Variants in DDX10 observed in about 807,000 individuals in gnomAD.
DDX10 encodes DEAD-box helicase 10.
DDX10 carries 74 observed loss-of-function variants against 104.3 expected under a neutral mutation model. The observed-to-expected ratio is 0.71, with a 90% CI of 0.59 to 0.86. DDX10 has a LOEUF of 0.86. Among genes scored for constraint, DDX10 ranks in the 40% least tolerant of loss-of-function variants. The probability of loss-of-function intolerance (pLI) is 0.00; values close to 1 mark genes in which losing one functional copy is unlikely to be tolerated. For synonymous variants in DDX10, 351 were observed against 353.4 expected, an observed-to-expected ratio of 0.99 and a Z score of 0.08; for missense variants, 952 against 1,040.0, an observed-to-expected ratio of 0.92 and a Z score of 1.16.
At chr11:108,875,034 A>C (rs1863133464) in intron 16 of DDX10, among the ~76,000 whole-genome samples, 1 of 152,168 alleles carries the variant, frequency 6.6e-6, no homozygotes, top group Non-Finnish European at 1.5e-5. Flanking sequence ...ACGCATGTAA[A>C]GGTACCACAG....
chr11:108,927,191 A>T (rs566530635), intron 17 of DDX10, among the ~76,000 whole-genome samples: 1 of 152,180 alleles, frequency 6.6e-6, no homozygotes, highest in Non-Finnish European at 1.5e-5. Context: ...AAAGCTGCTC[A>T]GACAGTCTAA....
chr11:108,674,034 A>G (rs1380394252), intron 2 of DDX10, among the ~76,000 whole-genome samples: 1 of 152,102 alleles, frequency 6.6e-6, no homozygotes, highest in Non-Finnish European at 1.5e-5. Context: ...TAAAAATTGT[A>G]TATATTTGGC....
chr11:108,818,461 CA>C (rs1862283790), intron 13 of DDX10, among the ~76,000 whole-genome samples: 1 of 152,134 alleles, frequency 6.6e-6, no homozygotes, highest in African/African-American at 2.4e-5. Flanking sequence ...GGGTGAGTTT[CA>C]TAACATAACT....
intron 9 of DDX10, among the ~76,000 whole-genome samples, 199 bp downstream of exon 9, chr11:108,693,799 T>C (rs2094256076): frequency 6.6e-6 from 1 of 152,252 alleles, no homozygotes; most frequent in Non-Finnish European, 1.5e-5. Flanking sequence ...AATCTTATTT[T>C]AGTTTGTTTA....
intron 13 of DDX10, among the ~76,000 whole-genome samples, chr11:108,836,838 C>T (rs1363824633): frequency 1.3e-5 from 2 of 152,098 alleles, no homozygotes; most frequent in African/African-American, 4.8e-5. Flanking sequence ...TTAATATCTC[C>T]TTATTAAATG....
chr11:108,859,615 A>G (rs904615150), intron 16 of DDX10, among the ~76,000 whole-genome samples: 1 of 152,206 alleles, frequency 6.6e-6, no homozygotes, highest in Non-Finnish European at 1.5e-5. Context: ...ATACTTCATC[A>G]TGGTTGATTC....
chr11:108,693,050 C>T (rs1310066847), intron 8 of DDX10, among the ~76,000 whole-genome samples: 1 of 152,104 alleles, frequency 6.6e-6, no homozygotes, highest in Non-Finnish European at 1.5e-5. Flanking sequence ...TCCCCTAGTC[C>T]CCCACCTCCA....
At chr11:108,824,919 A>AT (rs1862375603) in intron 13 of DDX10, among the ~76,000 whole-genome samples, 2 of 152,298 alleles carry the variant, frequency 1.3e-5, no homozygotes, top group South Asian at 4.1e-4. Flanking sequence ...GAATTATGGG[A>AT]TTTTCCCTTA....
intron 13 of DDX10, among the ~76,000 whole-genome samples, chr11:108,734,288 A>G (rs968740758): frequency 7.2e-5 from 11 of 152,202 alleles, no homozygotes; most frequent in African/African-American, 2.4e-4. Flanking sequence ...CAATGGTAGC[A>G]TGATCTCAGA....
At chr11:108,750,091 G>GA (rs1292076732) in intron 13 of DDX10, among the ~76,000 whole-genome samples, 2 of 151,956 alleles carry the variant, frequency 1.3e-5, no homozygotes, top group East Asian at 1.9e-4. Context: ...GTGCTGCAAG[G>GA]AAAAAAATGA....
At chr11:108,899,245 AC>A (rs1428306324) in intron 16 of DDX10, among the ~76,000 whole-genome samples, 1 of 147,738 alleles carries the variant, frequency 6.8e-6, no homozygotes, top group East Asian at 2.0e-4. Flanking sequence ...CCTCCCCCCA[AC>A]CCCCCGTGTT....
At chr11:108,827,903 C>G (rs1373854443) in intron 13 of DDX10, among the ~76,000 whole-genome samples, 1 of 152,106 alleles carries the variant, frequency 6.6e-6, no homozygotes, top group Non-Finnish European at 1.5e-5. Context: ...TTTAAAATTT[C>G]ATCTTTATTT....
At chr11:108,785,571 C>T (rs970998217) in intron 13 of DDX10, among the ~76,000 whole-genome samples, 3 of 152,010 alleles carry the variant, frequency 2.0e-5, no homozygotes, top group East Asian at 1.9e-4. Flanking sequence ...GAATCCCTCT[C>T]GTCTGGAGCT....
intron 1 of DDX10, 27 bp downstream of exon 1, chr11:108,665,366 C>T (rs750787285): frequency 7.8e-6 from 12 of 1,532,092 alleles, no homozygotes; most frequent in East Asian, 2.4e-5. Context: ...GGAGGGGGCT[C>T]GGGCCGGCCA....
rs1451106817 is a variant in DDX10, at chr11:108,817,564, T to C, written c.1966-20882T>C. On this transcript the variant is annotated intron_variant, in intron 13 of 17. Coordinates refer to ENST00000322536, the MANE Select transcript of DDX10 (RefSeq NM_004398.4). ...ACACTTAAAAACTCCTTGACATACG[T>C]GCATATTTGTCTCCTCACTAGAATG... is the stretch of plus-strand genomic sequence containing the variant. Among the ~76,000 whole-genome samples, 4 of 152,232 alleles carry C rather than the reference T, an allele frequency of 2.6e-5. No individual in the cohort carries two copies. In the East Asian group the frequency reaches 7.7e-4, roughly 29 times the overall value.
At chr11:108,721,813 A>G (rs1263090597) in intron 12 of DDX10, among the ~76,000 whole-genome samples, 1 of 152,180 alleles carries the variant, frequency 6.6e-6, no homozygotes, top group Non-Finnish European at 1.5e-5. Flanking sequence ...TAGATGTTAA[A>G]TTGTAGATGT....
At chr11:108,693,992 C>T (rs1042565460) in intron 9 of DDX10, among the ~76,000 whole-genome samples, 23 of 152,110 alleles carry the variant, frequency 1.5e-4, no homozygotes, top group African/African-American at 5.3e-4. Flanking sequence ...TATGTTTTTT[C>T]AGTCTAGTAA....
chr11:108,838,161 T>C (rs1862582834), intron 13 of DDX10, among the ~76,000 whole-genome samples: 2 of 151,486 alleles, frequency 1.3e-5, no homozygotes. Flanking sequence ...ATGTAATTTT[T>C]AGTCCTTAAA....
At chr11:108,839,202 T>G (rs1476493190) in intron 14 of DDX10, among the ~76,000 whole-genome samples, 1 of 152,214 alleles carries the variant, frequency 6.6e-6, no homozygotes, top group Non-Finnish European at 1.5e-5. Flanking sequence ...GTGACTTACC[T>G]AAGGAGTGGT....
Sources: allele counts gnomAD v4.1 joint callset (sites outside exome capture counted in the v4.1 genomes callset), GRCh38; gene constraint gnomAD v4.1.1; transcripts MANE v1.5; gene names NCBI Gene and HGNC (gene_info 2026-07-23, HGNC 2026-07-21).